The following ROCK2 variants were observed in gnomAD, a reference collection of about 807,000 sequenced individuals.
ROCK2 encodes the protein Rho associated coiled-coil containing protein kinase 2.
ROCK2 carries 61 observed loss-of-function variants against 195.1 expected under a neutral mutation model. The observed-to-expected ratio is 0.31, with a 90% CI of 0.25 to 0.39. The LOEUF is 0.39. Ranked by LOEUF, ROCK2 falls within the 10% of genes least tolerant of loss-of-function variation. ROCK2 has a pLI of 1.00. For synonymous variants in ROCK2, 504 were observed against 545.5 expected (o/e 0.92, Z 1.06); for missense variants, 1,109 against 1,637.4 (o/e 0.68, Z 5.57).
At chr2:11,218,346 T>G in intron 11 of ROCK2, 109 bp downstream of exon 11, 2 of 672,048 alleles carry the variant, frequency 3.0e-6, no homozygotes, top group Non-Finnish European at 4.8e-6. Context: ...ACTTCTCTCT[T>G]GGGTAGATGT....
chr2:11,320,375 C>G (rs953075044), intron 1 of ROCK2, among the ~76,000 whole-genome samples: 15 of 152,180 alleles, frequency 9.9e-5, no homozygotes, highest in African/African-American at 3.1e-4. Context: ...CCTTCAATAG[C>G]ACTGTCTCGT....
chr2:11,295,989 A>G (rs1297847270), intron 1 of ROCK2, among the ~76,000 whole-genome samples: 64 of 23,448 alleles, frequency 2.7e-3, no homozygotes, highest in Non-Finnish European at 6.0e-3. Flanking sequence ...AGAGAGAGAG[A>G]GGAGAGAGAG....
intron 6 of ROCK2, among the ~76,000 whole-genome samples, chr2:11,226,898 G>A (rs1310947305): frequency 3.2e-5 from 4 of 126,040 alleles, no homozygotes; most frequent in Middle Eastern, 4.9e-3. Context: ...GCAACAGAGC[G>A]AGACCCTGCC....
intron 32 of ROCK2, among the ~76,000 whole-genome samples, chr2:11,184,239 T>TA (rs1205926738): frequency 9.9e-5 from 15 of 152,236 alleles, no homozygotes; most frequent in Non-Finnish European, 2.1e-4. Context: ...ATAAAGTTTT[T>TA]ATGCTTTCAA....
intron 1 of ROCK2, among the ~76,000 whole-genome samples, chr2:11,336,120 TACA>T (rs1668921134): frequency 6.6e-6 from 1 of 152,242 alleles, no homozygotes; most frequent in African/African-American, 2.4e-5. Flanking sequence ...CTAAATTTTC[TACA>T]ACGAGAGCAT....
At chr2:11,287,766 G>T in intron 1 of ROCK2, 30 bp from the exon 2 acceptor site, 1 of 919,886 alleles carries the variant, frequency 1.1e-6, no homozygotes, top group Non-Finnish European at 1.6e-6. Flanking sequence ...GGAAATGACA[G>T]TTTTTACAAT....
intron 32 of ROCK2, among the ~76,000 whole-genome samples, chr2:11,191,465 T>C (rs1663420495): frequency 6.6e-6 from 1 of 152,210 alleles, no homozygotes; most frequent in African/African-American, 2.4e-5. Context: ...GCTGTTAAAA[T>C]CACACTCAAG....
intron 11 of ROCK2, 65 bp downstream of exon 11, chr2:11,218,390 T>C: frequency 7.5e-7 from 1 of 1,330,238 alleles, no homozygotes; most frequent in Non-Finnish European, 1.0e-6. Flanking sequence ...TATGACTATA[T>C]TTAAACTTTG....
At chr2:11,320,665 C>G (rs1032840428) in intron 1 of ROCK2, among the ~76,000 whole-genome samples, 5 of 152,028 alleles carry the variant, frequency 3.3e-5, no homozygotes, top group African/African-American at 1.2e-4. Flanking sequence ...AACAACTTAC[C>G]AACTAGAAAA....
At chr2:11,247,770 A>G (rs1285649976) in intron 4 of ROCK2, among the ~76,000 whole-genome samples, 1 of 152,240 alleles carries the variant, frequency 6.6e-6, no homozygotes, top group Non-Finnish European at 1.5e-5. Flanking sequence ...CTGTAATCCC[A>G]GCACTTTGGG....
At chr2:11,274,356 C>G (rs1336885361) in intron 3 of ROCK2, among the ~76,000 whole-genome samples, 1 of 152,002 alleles carries the variant, frequency 6.6e-6, no homozygotes, top group Non-Finnish European at 1.5e-5. Context: ...AAAAGAGTCA[C>G]AAACCTCTGG....
At chr2:11,318,668 T>A (rs1668304726) in intron 1 of ROCK2, among the ~76,000 whole-genome samples, 1 of 152,116 alleles carries the variant, frequency 6.6e-6, no homozygotes, top group African/African-American at 2.4e-5. Context: ...AGACATGAAG[T>A]CCTTGCCCAT....
chr2:11,262,079 T>C (rs1044722902), intron 3 of ROCK2, among the ~76,000 whole-genome samples: 4 of 152,216 alleles, frequency 2.6e-5, no homozygotes, highest in African/African-American at 9.6e-5. Flanking sequence ...TTCTGTTATG[T>C]AGTATGACAT....
At chr2:11,334,249 G>C (rs887301800) in intron 1 of ROCK2, among the ~76,000 whole-genome samples, 1 of 152,094 alleles carries the variant, frequency 6.6e-6, no homozygotes, top group Non-Finnish European at 1.5e-5. Flanking sequence ...GCAGTGACTT[G>C]AGCCTGTAAT....
At chr2:11,318,358 G>A (rs1668291412) in intron 1 of ROCK2, among the ~76,000 whole-genome samples, 1 of 152,154 alleles carries the variant, frequency 6.6e-6, no homozygotes, top group South Asian at 2.1e-4. Flanking sequence ...TTTCTCTGAT[G>A]GCCAGTGATG....
At chr2:11,237,017 T>A (rs999719876) in intron 4 of ROCK2, among the ~76,000 whole-genome samples, 3 of 152,168 alleles carry the variant, frequency 2.0e-5, no homozygotes, top group African/African-American at 7.2e-5. Context: ...CCAGGCGTAG[T>A]GGCAGGCACC....
At chr2:11,321,791 A>C (rs1302210372) in intron 1 of ROCK2, among the ~76,000 whole-genome samples, 1 of 152,128 alleles carries the variant, frequency 6.6e-6, no homozygotes. Flanking sequence ...ACAGCACTCC[A>C]CGTTAAAAAT....
intron 3 of ROCK2, among the ~76,000 whole-genome samples, chr2:11,255,987 C>CAA (rs1321233488): frequency 3.3e-5 from 4 of 120,564 alleles, no homozygotes; most frequent in Non-Finnish European, 7.0e-5. Context: ...AACTTCAACA[C>CAA]AAATCAATCT....
At chr2:11,233,165 G>A (rs560586481) in intron 5 of ROCK2, among the ~76,000 whole-genome samples, 1 of 152,284 alleles carries the variant, frequency 6.6e-6, no homozygotes, top group Admixed American at 6.5e-5. Flanking sequence ...AGTGAGCTAT[G>A]ATTACACCAC....
Sources: gnomAD v4.1 joint callset for allele counts (sites outside exome capture counted in the v4.1 genomes callset) on GRCh38, gnomAD v4.1.1 for gene constraint, MANE v1.5 for transcripts, NCBI Gene and HGNC (gene_info 2026-07-23, HGNC 2026-07-21) for gene names.